The following FRMD5 variants were observed in gnomAD, a reference collection of about 807,000 sequenced individuals.
FRMD5 encodes FERM domain-containing protein 5.
Under a neutral mutation model 69.0 loss-of-function variants are expected in FRMD5, and 20 were observed. That is an observed-to-expected ratio of 0.29 (90% CI 0.20 to 0.42). The LOEUF (loss-of-function observed/expected upper bound fraction) is 0.42, where lower values mean the gene tolerates loss of function less well. FRMD5 is among the 10% of genes least tolerant of loss of function. FRMD5 has a pLI of 1.00. For missense variants in FRMD5, 595 were observed against 708.6 expected (o/e 0.84, Z 1.82); for synonymous variants, 271 against 260.1 (o/e 1.04, Z -0.40).
At chr15:44,057,216 C>T (rs1348270771) in intron 1 of FRMD5, among the ~76,000 whole-genome samples, 7 of 151,764 alleles carry the variant, frequency 4.6e-5, no homozygotes, top group Non-Finnish European at 1.0e-4. Context: ...CCTCTGGCTC[C>T]GGGGTTCAAG....
chr15:43,984,145 C>G (rs925075648), intron 1 of FRMD5, among the ~76,000 whole-genome samples: 2 of 152,158 alleles, frequency 1.3e-5, no homozygotes, highest in Non-Finnish European at 2.9e-5. Flanking sequence ...TGAACTTACA[C>G]AACATATCAA....
chr15:44,096,403 C>CTTTT (rs751057566), intron 1 of FRMD5, among the ~76,000 whole-genome samples: 1 of 130,772 alleles, frequency 7.6e-6, no homozygotes, highest in Non-Finnish European at 1.6e-5. Flanking sequence ...TACGGTGTAT[C>CTTTT]TTTTTTTTTT....
intron 1 of FRMD5, among the ~76,000 whole-genome samples, chr15:43,984,181 C>T (rs1261651442): frequency 1.3e-5 from 2 of 152,122 alleles, no homozygotes; most frequent in Non-Finnish European, 2.9e-5. Flanking sequence ...CTCCTTAGTG[C>T]GTCTCTCAGA....
At chr15:43,991,461 G>T (rs1261663031) in intron 1 of FRMD5, among the ~76,000 whole-genome samples, 1 of 152,204 alleles carries the variant, frequency 6.6e-6, no homozygotes, top group Non-Finnish European at 1.5e-5. Flanking sequence ...TGCTACTGCT[G>T]CTGCTGCATT....
chr15:44,124,736 A>C (rs75478230), intron 1 of FRMD5, among the ~76,000 whole-genome samples: 1 of 152,166 alleles, frequency 6.6e-6, no homozygotes, highest in Non-Finnish European at 1.5e-5. Context: ...AGATGTTCTT[A>C]GACATGCTAT....
chr15:44,063,971 C>T (rs1342684073), intron 1 of FRMD5: 2 of 241,190 alleles, frequency 8.3e-6, no homozygotes, highest in Non-Finnish European at 8.2e-6. Flanking sequence ...TCCTGTACCA[C>T]CAATTGCTCA....
At chr15:44,191,746 A>G (rs1417714465) in intron 1 of FRMD5, among the ~76,000 whole-genome samples, 1 of 151,620 alleles carries the variant, frequency 6.6e-6, no homozygotes, top group Non-Finnish European at 1.5e-5. Flanking sequence ...CCGTTTCTTA[A>G]AAACATAAAA....
intron 1 of FRMD5, among the ~76,000 whole-genome samples, chr15:43,946,016 C>G (rs1231533417): frequency 6.6e-6 from 1 of 151,964 alleles, no homozygotes; most frequent in Non-Finnish European, 1.5e-5. Flanking sequence ...GATTGCACCA[C>G]TGCACTCCAG....
intron 1 of FRMD5, among the ~76,000 whole-genome samples, chr15:43,985,325 C>T (rs1889343116): frequency 6.8e-6 from 1 of 146,880 alleles, no homozygotes; most frequent in Admixed American, 6.8e-5. Context: ...TTGGAACCAT[C>T]AGTTCTAGTT....
intron 1 of FRMD5, among the ~76,000 whole-genome samples, chr15:44,039,392 T>C (rs763342184): frequency 1.3e-5 from 2 of 152,116 alleles, no homozygotes; most frequent in Non-Finnish European, 2.9e-5. Context: ...CACCTCCCAG[T>C]AGGGGCCAAC....
chr15:44,120,392 GAT>G (rs1275699559), intron 1 of FRMD5, among the ~76,000 whole-genome samples: 1 of 152,178 alleles, frequency 6.6e-6, no homozygotes, highest in Admixed American at 6.5e-5. Context: ...AGATTTCAAA[GAT>G]AGAACCGACA....
At chr15:44,074,573 GGC>G in intron 1 of FRMD5, among the ~76,000 whole-genome samples, 1 of 151,242 alleles carries the variant, frequency 6.6e-6, no homozygotes, top group African/African-American at 2.4e-5. Flanking sequence ...GCACCATCTT[GGC>G]TCACTGCAAC....
At chr15:44,148,526 C>A (rs2077393330) in intron 1 of FRMD5, among the ~76,000 whole-genome samples, 1 of 152,204 alleles carries the variant, frequency 6.6e-6, no homozygotes, top group African/African-American at 2.4e-5. Context: ...CCGCCTCGGC[C>A]TCCCAAAGTG....
chr15:43,957,434 T>C (rs2090132548), intron 1 of FRMD5, among the ~76,000 whole-genome samples: 1 of 152,250 alleles, frequency 6.6e-6, no homozygotes, highest in South Asian at 2.1e-4. Flanking sequence ...TGACCTCAAG[T>C]GATCCACCTG....
chr15:44,023,969 G>A (rs1285783194), intron 1 of FRMD5, among the ~76,000 whole-genome samples: 2 of 152,048 alleles, frequency 1.3e-5, no homozygotes, highest in Non-Finnish European at 2.9e-5. Flanking sequence ...CAAGGTTGTT[G>A]GATGTGAAGG....
chr15:43,957,459 A>G (rs961213632), intron 1 of FRMD5, among the ~76,000 whole-genome samples: 48 of 152,326 alleles, frequency 3.2e-4, no homozygotes, highest in African/African-American at 1.2e-3. Flanking sequence ...TGGTCTCCCA[A>G]AGTGCTGGGA....
chr15:44,108,858 G>A (rs2076757214), intron 1 of FRMD5, among the ~76,000 whole-genome samples: 1 of 151,828 alleles, frequency 6.6e-6, no homozygotes, highest in Non-Finnish European at 1.5e-5. Flanking sequence ...CTACTTGGGA[G>A]GCTAAGGTGG....
chr15:44,185,755 T>C (rs1349661281), intron 1 of FRMD5, among the ~76,000 whole-genome samples: 1 of 151,232 alleles, frequency 6.6e-6, no homozygotes, highest in African/African-American at 2.4e-5. Context: ...ATCATACCAC[T>C]GAACTCCAGC....
chr15:44,042,351 AAAG>A (rs1218244089), intron 1 of FRMD5, among the ~76,000 whole-genome samples: 2 of 152,236 alleles, frequency 1.3e-5, no homozygotes, highest in Non-Finnish European at 1.5e-5. Context: ...CCAGAGGTAC[AAAG>A]AAGAGCTGGT....
Sources: allele counts gnomAD v4.1 joint callset (sites outside exome capture counted in the v4.1 genomes callset), GRCh38; gene constraint gnomAD v4.1.1; transcripts MANE v1.5; gene names NCBI Gene and HGNC (gene_info 2026-07-23, HGNC 2026-07-21).